ZIM2: variants seen among roughly 807,000 people sequenced by gnomAD.
ZIM2 encodes zinc finger imprinted 2.
A neutral mutation model predicts 38.6 loss-of-function variants in ZIM2; 14 were observed. The observed-to-expected ratio is 0.36, with a 90% confidence interval of 0.24 to 0.57. The LOEUF (loss-of-function observed/expected upper bound fraction) is 0.57. Ranked by LOEUF, ZIM2 falls within the 20% of genes least tolerant of loss-of-function variation. The pLI, the probability that ZIM2 is intolerant of heterozygous loss-of-function variation, is 0.81. For missense variants in ZIM2, 680 were observed against 695.1 expected (o/e 0.98, Z 0.24); for synonymous variants, 247 against 245.8 (o/e 1.00, Z -0.04).
intron 9 of ZIM2, chr19:56,815,091 C>T: frequency 1.2e-6 from 2 of 1,613,644 alleles, no homozygotes; most frequent in Middle Eastern, 1.6e-4. Flanking sequence ...CTGTGAGATC[C>T]ACAAAGCCCA....
At position 56,774,667 on chromosome 19, in the gene ZIM2, T is replaced by A. The variant is rs1438718383; in HGVS notation, c.*21A>T. On this transcript the variant is annotated 3_prime_UTR_variant, in exon 13 of 13. Coordinates refer to ENST00000629319, the MANE Select transcript of ZIM2 (RefSeq NM_001387356.1). ...GAAGCCAATAATGTTGAGAAAAGTGTGTGCTGTGACTAAAGGTTTCTCAAC... is the reference window on the plus strand; with the variant it reads ...GAAGCCAATAATGTTGAGAAAAGTGAGTGCTGTGACTAAAGGTTTCTCAAC... The A allele has an allele frequency of 2.5e-6, 4 of 1,606,522 alleles. No individual in the cohort carries two copies. In the African/African-American group the frequency reaches 5.3e-5, roughly 21 times the overall value.
Position 56,821,685 on chromosome 19 carries a change from T to C in ZIM2, c.260A>G (p.Asp87Gly), listed in dbSNP as rs144651789. 2.5e-4 allele frequency: 404 copies of C among 1,614,012 alleles called. 3 individuals carry two copies. In the South Asian group the frequency reaches 2.6e-3, roughly 10 times the overall value. ...GGACTCATAAGCCCTGGAGTCCCTG[T>C]CGTCCTCTCTGTCCATTTCAAAGCT... ...KTSFEMDRED[D>G]RDSRAYESRS... The change falls in exon 7 of 13, where the codon GAC (aspartate) becomes GGC (glycine). Residue 87 changes from aspartate to glycine, a missense_variant. Physicochemically the swap from Asp to Gly is moderately conservative, Grantham distance 94. Transcript: ENST00000629319.
chr19:56,781,879 G>A (rs372779834), intron 11 of ZIM2, 74 bp downstream of exon 11: 8 of 1,547,456 alleles, frequency 5.2e-6, no homozygotes, highest in Admixed American at 3.6e-5. Context: ...CATTACTGAT[G>A]AGAGGACACG....
At chr19:56,785,015 C>T (rs971046478) in intron 10 of ZIM2, among the ~76,000 whole-genome samples, 7 of 152,070 alleles carry the variant, frequency 4.6e-5, no homozygotes, top group Middle Eastern at 3.4e-3. Context: ...ATTTGGCTCA[C>T]GTGGTCCTAT....
chr19:56,822,369 G>A (rs926903157), intron 6 of ZIM2: 2 of 198,060 alleles, frequency 1.0e-5, no homozygotes, highest in Non-Finnish European at 2.1e-5. Context: ...ACTGCAGGAA[G>A]TCATGGCAGA....
intron 3 of ZIM2, chr19:56,824,933 C>G (rs188701245): frequency 2.8e-6 from 1 of 357,554 alleles, no homozygotes; most frequent in African/African-American, 2.0e-5. Context: ...GAGACCTACT[C>G]GAGGAGTTAG....
At chr19:56,779,624 C>G (rs1848811197) in intron 11 of ZIM2, 152 bp from the exon 12 acceptor site, 3 of 674,620 alleles carry the variant, frequency 4.4e-6, no homozygotes, top group South Asian at 1.9e-5. Flanking sequence ...TAAGGGACAT[C>G]TAAAATGTAT....
chr19:56,779,284 C>T, intron 12 of ZIM2, 93 bp downstream of exon 12: 3 of 1,327,734 alleles, frequency 2.3e-6, no homozygotes, highest in Non-Finnish European at 3.2e-6. Context: ...ACCTACCAGA[C>T]TTCTCCTGGC....
At chr19:56,784,677 T>C (rs2046504308) in intron 10 of ZIM2, among the ~76,000 whole-genome samples, 1 of 152,214 alleles carries the variant, frequency 6.6e-6, no homozygotes, top group African/African-American at 2.4e-5. Flanking sequence ...ATAAGGAGTT[T>C]TGAGTTCTGC....
intron 1 of ZIM2, among the ~76,000 whole-genome samples, chr19:56,839,697 C>T (rs911635389): frequency 1.2e-4 from 18 of 152,084 alleles, no homozygotes; most frequent in Non-Finnish European, 2.4e-4. Context: ...GGGGCTGGAA[C>T]AGACCATTAC....
At chr19:56,815,217 G>T in intron 9 of ZIM2, 1 of 1,613,808 alleles carries the variant, frequency 6.2e-7, no homozygotes, top group Non-Finnish European at 8.5e-7. Flanking sequence ...GGGTCTCCTC[G>T]CTGTGGGTCT....
At chr19:56,822,213 T>G (rs941074329) in intron 6 of ZIM2, among the ~76,000 whole-genome samples, 3 of 152,118 alleles carry the variant, frequency 2.0e-5, no homozygotes, top group African/African-American at 7.2e-5. Context: ...AATTTTAGGG[T>G]GCCCTGCTGC....
At chr19:56,813,176 C>G in intron 9 of ZIM2, 1 of 974,812 alleles carries the variant, frequency 1.0e-6, no homozygotes, top group Non-Finnish European at 1.2e-6. Flanking sequence ...AAAATATAAT[C>G]AAATTTGTTG....
At position 56,774,973 on chromosome 19, in the gene ZIM2, G is replaced by T; in HGVS notation, c.1392C>A (p.Ala464=). The change falls in exon 13 of 13, where the codon GCC becomes GCA. Residue 464 remains alanine, a synonymous_variant. Transcript: ENST00000629319. ...GAGGAAGGACTCTTGCTGCCTCATGGGCTTTGAGATGTTGAAGAAGATGCA... is the reference window on the plus strand; with the variant it reads ...GAGGAAGGACTCTTGCTGCCTCATGTGCTTTGAGATGTTGAAGAAGATGCA... ...QNVHLLQHLK[A]HEAARVLPPG... is the part of the protein sequence containing the mutation. 1.2e-6 allele frequency: 2 copies of T among 1,614,178 alleles called. No homozygotes were observed. Among genetic ancestry groups the T allele is most frequent in the Non-Finnish European group, 1.7e-6 (2 of 1,180,026 alleles).
At chr19:56,823,769 A>C (rs1601073872) in intron 4 of ZIM2, 90 bp from the exon 5 acceptor site, 2 of 1,434,782 alleles carry the variant, frequency 1.4e-6, no homozygotes, top group African/African-American at 2.8e-5. Context: ...TCCCTGTCAC[A>C]GACACACATG....
chr19:56,811,512 G>C (rs2059539327), intron 9 of ZIM2: 1 of 983,852 alleles, frequency 1.0e-6, no homozygotes, highest in African/African-American at 1.8e-5. Context: ...TCATTCTCTT[G>C]TTTACCATTT....
At chr19:56,815,246 C>G in intron 9 of ZIM2, 2 of 1,614,194 alleles carry the variant, frequency 1.2e-6, no homozygotes, top group Non-Finnish European at 1.7e-6. Flanking sequence ...TCAGTATTCT[C>G]GCCTTGAGAC....
At chr19:56,816,904 G>C in intron 9 of ZIM2, 1 of 1,614,132 alleles carries the variant, frequency 6.2e-7, no homozygotes, top group East Asian at 2.2e-5. Flanking sequence ...CTTATTGAAG[G>C]TCTCTCCACA....
intron 9 of ZIM2, chr19:56,811,364 A>G (rs906491635): frequency 2.3e-6 from 2 of 886,798 alleles, no homozygotes; most frequent in South Asian, 5.2e-5. Context: ...CTGTTGAGTT[A>G]TAACTGTAGT....
Sources: gnomAD v4.1 joint callset for allele counts (sites outside exome capture counted in the v4.1 genomes callset) on GRCh38, gnomAD v4.1.1 for gene constraint, MANE v1.5 for transcripts, NCBI Gene and HGNC (gene_info 2026-07-23, HGNC 2026-07-21) for gene names.